KMT2B: variants seen among roughly 807,000 people sequenced by gnomAD.
KMT2B encodes the protein histone-lysine N-methyltransferase 2B.
A neutral mutation model predicts 255.3 loss-of-function variants in KMT2B; 22 were observed. The observed-to-expected ratio is 0.09, with a 90% CI of 0.06 to 0.12. The LOEUF is 0.12. KMT2B is among the 10% of genes least tolerant of loss of function. The pLI is 1.00. For missense variants in KMT2B, 3,149 were observed against 3,737.0 expected (o/e 0.84, Z 4.10); for synonymous variants, 1,730 against 1,498.1 (o/e 1.15, Z -3.57).
In KMT2B at chr19:35,723,764, G is replaced by A. The variant is rs778396639; in HGVS notation, c.3091G>A (p.Asp1031Asn). The stretch of plus-strand genomic sequence containing the variant: ...GATAGTGAAGACGCTGTTGCCCTGG[G>A]ATTCCGATGAATCTCCTGAGGCCTC... ...RTIVKTLLPW[D>N]SDESPEASPG... Residue 1031 changes from aspartate (D) to asparagine (N), a missense_variant, in exon 8 of 37, where the codon GAT becomes AAT. By Grantham distance (23) the Asp-to-Asn change is conservative. Transcript: ENST00000420124. This position sits in a 1 kb window ranked among gnomAD's most constrained non-coding sequence, Gnocchi z 7.5. 6.4e-7 allele frequency: 1 copy of A among 1,550,690 alleles called. No individual in the cohort carries two copies. The highest frequency in any genetic ancestry group is 8.7e-7 in the Non-Finnish European group (1 of 1,148,286).
chr19:35,723,888 A>G lies in KMT2B; in HGVS notation c.3215A>G (p.Gln1072Arg). The change falls in exon 8 of 37, where the codon CAG becomes CGG. Residue 1072 changes from glutamine (Q) to arginine (R), a missense_variant. By Grantham distance (43) the Gln-to-Arg change is conservative (BLOSUM62 1). Coordinates refer to ENST00000420124, the MANE Select transcript of KMT2B (RefSeq NM_014727.3). This position sits in a 1 kb window ranked among gnomAD's most constrained non-coding sequence, Gnocchi z 7.5. ...CCCGAGGAGCAGGACTCCCTCCTGC[A>G]GCGCAAGTCAGCTCGGCGCTGCGTC... Reference protein sequence around the residue: ...PGPEEQDSLLQRKSARRCVKQ... With the variant: ...PGPEEQDSLLRRKSARRCVKQ... The G allele has an allele frequency of 1.9e-6, 3 of 1,611,184 alleles. No homozygotes were observed. The highest frequency in any genetic ancestry group is 2.5e-6 in the Non-Finnish European group (3 of 1,179,166).
intron 8 of KMT2B, among the ~76,000 whole-genome samples, chr19:35,724,412 C>T (rs1055498410): frequency 3.3e-5 from 5 of 152,184 alleles, no homozygotes; most frequent in Admixed American, 6.5e-5. Flanking sequence ...GCAGGAGGAT[C>T]GTCTGAGCCT....
At chr19:35,730,981 G>C (rs567898383) in intron 26 of KMT2B, 114 bp downstream of exon 26, 1 of 1,208,364 alleles carries the variant, frequency 8.3e-7, no homozygotes, top group Non-Finnish European at 1.1e-6. Context: ...TGCTTCAGTT[G>C]CTGTAATGTA....
At position 35,736,835 on chromosome 19, in the gene KMT2B, G is replaced by A. The variant is rs967527443; in HGVS notation, c.7297+8G>A. On this transcript the variant is annotated splice_region_variant and intron_variant, in intron 31 of 36. Coordinates refer to ENST00000420124, the MANE Select transcript of KMT2B (RefSeq NM_014727.3). ...AGGCAGAGAGCTTGGAGGGTGAGTG[G>A]GGGGAGTGCAGTGGCAGGAGGGAGA... 6.2e-7 allele frequency: 1 copy of A among 1,613,958 alleles called. No homozygotes were observed. The highest frequency in any genetic ancestry group is 8.5e-7 in the Non-Finnish European group (1 of 1,179,870).
chr19:35,727,022 C>A lies in KMT2B; in HGVS notation c.4004-134C>A. 2.0e-6 allele frequency: 1 copy of A among 499,610 alleles called. No individual in the cohort carries two copies. 30.9% of individuals were successfully genotyped at this position (499,610 alleles called of 1,614,324 possible). On this transcript the variant is annotated intron_variant, in intron 14 of 36. Coordinates refer to ENST00000420124, the MANE Select transcript of KMT2B (RefSeq NM_014727.3). This position sits in a 1 kb window ranked among gnomAD's most constrained non-coding sequence, Gnocchi z 4.2. The stretch of plus-strand genomic sequence containing the variant: ...AAAAAAAAGCCTCATCCTCAAGGAG[C>A]TTTTAGGGACTAGTAGGGGCCCAAA...
At chr19:35,731,367 G>T (rs1161844376) in intron 26 of KMT2B, among the ~76,000 whole-genome samples, 1 of 152,210 alleles carries the variant, frequency 6.6e-6, no homozygotes, top group Admixed American at 6.5e-5. Context: ...GGTTATTGTG[G>T]GCAGAGCAGG....
In KMT2B at chr19:35,730,344, A is replaced by G; in HGVS notation, c.5079A>G (p.Glu1693=). Residue 1693 remains glutamate (E), a splice_region_variant and synonymous_variant, in exon 24 of 37, where the codon GAA becomes GAG. Coordinates refer to ENST00000420124, the MANE Select transcript of KMT2B (RefSeq NM_014727.3). The part of the protein sequence containing the change: ...QKHTDLLDGK[E]IVNPDGFDVL... ...CACTTTGCCACCCCCTCTTCCAGGA[A>G]ATTGTGAACCCCGATGGTTTTGATG... 6.2e-7 allele frequency: 1 copy of G among 1,610,410 alleles called. No individual in the cohort carries two copies. The highest frequency in any genetic ancestry group is 8.5e-7 in the Non-Finnish European group (1 of 1,176,842).
chr19:35,719,619 A>G, intron 2 of KMT2B, 78 bp downstream of exon 2: 1 of 1,516,974 alleles, frequency 6.6e-7, no homozygotes, highest in Non-Finnish European at 9.0e-7. Flanking sequence ...TTCCCTGTTC[A>G]ACTAGCCTCT....
At chr19:35,734,227 C>T (rs763503721) in intron 30 of KMT2B, among the ~76,000 whole-genome samples, 8 of 151,984 alleles carry the variant, frequency 5.3e-5, no homozygotes, top group African/African-American at 9.7e-5. Context: ...CAGCTAGCAC[C>T]GAGATGAGGG....
chr19:35,718,008 A>T lies in KMT2B; in HGVS notation c.-11A>T, dbSNP rs1599665118. ...TCCCCCCGCCTCCCCGGCCCCTCTCACGGTGCCAAGATGGCGGCGGCGGCG... is the reference window on the plus strand; with the variant it reads ...TCCCCCCGCCTCCCCGGCCCCTCTCTCGGTGCCAAGATGGCGGCGGCGGCG... On this transcript the variant is annotated 5_prime_UTR_variant, in exon 1 of 37. Transcript: ENST00000420124. This position sits in a 1 kb window ranked among gnomAD's most constrained non-coding sequence, Gnocchi z 5.0. 1.0e-6 allele frequency: 1 copy of T among 980,308 alleles called. No homozygotes were observed. Among genetic ancestry groups the T allele is most frequent in the African/African-American group, 1.8e-5 (1 of 55,982 alleles). The allele number at this position is 980,308 out of a possible 1,614,324, so 60.7% of individuals were successfully genotyped here. A position where few individuals can be genotyped will look rare whatever the true frequency, so the allele number is the denominator to read the frequency against.
Position 35,725,801 on chromosome 19 carries a change from C to G in KMT2B, c.3868C>G (p.Arg1290Gly). Residue 1290 changes from arginine (R) to glycine (G), a missense_variant, in exon 13 of 37, where the codon CGC becomes GGC. Physicochemically the swap from Arg to Gly is moderately radical, Grantham distance 125. Around this residue, in one of 18 missense-constraint regions of KMT2B, gnomAD observed 377 missense variants for 471.0 expected, o/e 0.80. Transcript: ENST00000420124. This position sits in a 1 kb window ranked among gnomAD's most constrained non-coding sequence, Gnocchi z 4.1. The stretch of plus-strand genomic sequence containing the variant: ...GCCCAGCTATCCAACCCGGGCCACG[C>G]GCAAACGGCGCCACTGGGTGAGAGA... ...LGPSYPTRAT[R>G]KRRHWICSAC... 6.3e-7 allele frequency: 1 copy of G among 1,581,788 alleles called. No homozygotes were observed. The highest frequency in any genetic ancestry group is 8.6e-7 in the Non-Finnish European group (1 of 1,164,494).
chr19:35,728,705 G>C, intron 19 of KMT2B, 69 bp from the exon 20 acceptor site: 1 of 1,215,426 alleles, frequency 8.2e-7, no homozygotes, highest in Non-Finnish European at 1.2e-6. Flanking sequence ...GTTCAGGCTG[G>C]TTTGTGGATG....
In KMT2B at chr19:35,725,469, C is replaced by T. The variant is rs374776907; in HGVS notation, c.3643-10C>T. ...TATGCCCATCATTCACTCCTTTACC[C>T]TGTCCCCAGCTGGTGTTCTGTCAAG... On this transcript the variant is annotated splice_polypyrimidine_tract_variant and intron_variant, in intron 11 of 36. Coordinates refer to ENST00000420124, the MANE Select transcript of KMT2B (RefSeq NM_014727.3). This position sits in a 1 kb window ranked among gnomAD's most constrained non-coding sequence, Gnocchi z 4.1. The T allele has an allele frequency of 1.2e-4, 186 of 1,609,922 alleles. 1 individual carries two copies. Among genetic ancestry groups the T allele is most frequent in the Non-Finnish European group, 1.0e-4 (119 of 1,179,872 alleles).
chr19:35,738,438 C>T lies in KMT2B; in HGVS notation c.8029C>T (p.Leu2677=). 6.2e-7 allele frequency: 1 copy of T among 1,614,134 alleles called. No homozygotes were observed. Among genetic ancestry groups the T allele is most frequent in the African/African-American group, 1.3e-5 (1 of 75,072 alleles). The change falls in exon 37 of 37, where the codon CTG becomes TTG. Residue 2677 remains leucine (L), a synonymous_variant. Transcript: ENST00000420124. This position sits in a 1 kb window ranked among gnomAD's most constrained non-coding sequence, Gnocchi z 8.7. ...CCAGAAACACATTGTTATCTTCGCCCTGCGCCGCATCCTGCGTGGTGAGGA... is the reference window on the plus strand; with the variant it reads ...CCAGAAACACATTGTTATCTTCGCCTTGCGCCGCATCCTGCGTGGTGAGGA... The part of the protein sequence containing the change: ...EGQKHIVIFA[L]RRILRGEELT...
chr19:35,727,141 C>A lies in KMT2B; in HGVS notation c.4004-15C>A. On this transcript the variant is annotated splice_polypyrimidine_tract_variant and intron_variant, in intron 14 of 36. Transcript: ENST00000420124. This position sits in a 1 kb window ranked among gnomAD's most constrained non-coding sequence, Gnocchi z 4.2. ...AACTCCAGCACCTCTGACTCCTTCT[C>A]TTCCCTTTCTCTAGGAAACTACTGC... The A allele has an allele frequency of 1.3e-6, 2 of 1,590,554 alleles. No homozygotes were observed. Among genetic ancestry groups the A allele is most frequent in the South Asian group, 2.3e-5 (2 of 88,558 alleles).
At chr19:35,728,461 G>A (rs997078307) in intron 19 of KMT2B, among the ~76,000 whole-genome samples, 1 of 149,502 alleles carries the variant, frequency 6.7e-6, no homozygotes, top group East Asian at 2.0e-4. Context: ...AGATGGTCAG[G>A]GCAGTGATGG....
At position 35,728,115 on chromosome 19, in the gene KMT2B, C is replaced by T. The variant is rs993468868; in HGVS notation, c.4515C>T (p.Phe1505=). 25 of 1,598,726 alleles carry T rather than the reference C, an allele frequency of 1.6e-5. No individual in the cohort carries two copies. Among genetic ancestry groups the T allele is most frequent in the Admixed American group, 6.9e-5 (4 of 58,254 alleles). The change falls in exon 19 of 37, where the codon TTC becomes TTT. Residue 1505 remains phenylalanine, a synonymous_variant. Coordinates refer to ENST00000420124, the MANE Select transcript of KMT2B (RefSeq NM_014727.3). The stretch of plus-strand genomic sequence containing the variant: ...CTCCCCAGCTGCTAGAATCTGCGTT[C>T]GGCTGGTTCGACGCCCACGACCCCA... ...GLLLKLLESA[F]GWFDAHDPKY...
Position 35,727,333 on chromosome 19 carries a change from G to T in KMT2B, c.4117+64G>T. ...GTGGGGACCCCTGCCCCCACCACAG[G>T]CCCCAAGAGGACTGGTGGGCTAAGG... On this transcript the variant is annotated intron_variant, in intron 15 of 36. Transcript: ENST00000420124. The surrounding 1 kb of genome is among the most constrained non-coding windows in gnomAD (Gnocchi z 4.2). 1 of 1,568,644 alleles carries T rather than the reference G, an allele frequency of 6.4e-7. No individual in the cohort carries two copies. Among genetic ancestry groups the T allele is most frequent in the Non-Finnish European group, 8.8e-7 (1 of 1,139,538 alleles).
At position 35,738,711 on chromosome 19, in the gene KMT2B, C is replaced by A; in HGVS notation, c.*154C>A. ...GGCATGCAGGTGACAAGGGCCCTGCCTCCACCCCTCCAGCCCATCCAGCAA... is the reference window on the plus strand; with the variant it reads ...GGCATGCAGGTGACAAGGGCCCTGCATCCACCCCTCCAGCCCATCCAGCAA... On this transcript the variant is annotated 3_prime_UTR_variant, in exon 37 of 37. Coordinates refer to ENST00000420124, the MANE Select transcript of KMT2B (RefSeq NM_014727.3). The surrounding 1 kb of genome is among the most constrained non-coding windows in gnomAD (Gnocchi z 8.7). 1 of 781,000 alleles carries A rather than the reference C, an allele frequency of 1.3e-6. No homozygotes were observed. The highest frequency in any genetic ancestry group is 2.0e-6 in the Non-Finnish European group (1 of 499,736). The allele number at this position is 781,000 out of a possible 1,614,324, so 48.4% of individuals were successfully genotyped here.
Sources: gnomAD v4.1 joint callset for allele counts (sites outside exome capture counted in the v4.1 genomes callset) on GRCh38, gnomAD v4.1.1 for gene constraint, gnomAD v4.1.1 regional missense constraint, Gnocchi (gnomAD v3.1) non-coding constraint, MANE v1.5 for transcripts, NCBI Gene and HGNC (gene_info 2026-07-23, HGNC 2026-07-21) for gene names.